Variants in PCNX1 observed in about 807,000 individuals in gnomAD.
PCNX1 encodes the protein pecanex 1, also known as pecanex-like protein 1.
In PCNX1, 78 loss-of-function variants were observed where a neutral mutation model predicts 242.2. The observed-to-expected ratio is 0.32, with a 90% confidence interval of 0.27 to 0.39. PCNX1 has a LOEUF of 0.39. Among genes scored for constraint, PCNX1 ranks in the 10% least tolerant of loss-of-function variants. PCNX1 has a pLI of 1.00. For synonymous variants in PCNX1, 1,024 were observed against 1,032.9 expected, an observed-to-expected ratio of 0.99 and a Z score of 0.17; for missense variants, 2,581 against 2,856.5, an observed-to-expected ratio of 0.90 and a Z score of 2.20.
At chr14:71,003,865 C>T (rs1185544329) in intron 8 of PCNX1, among the ~76,000 whole-genome samples, 1 of 152,210 alleles carries the variant, frequency 6.6e-6, no homozygotes, top group East Asian at 1.9e-4. Flanking sequence ...TTATACCTAC[C>T]TTTTCCTTAT....
chr14:70,912,991 A>G (rs1356869093), intron 1 of PCNX1, among the ~76,000 whole-genome samples: 2 of 152,226 alleles, frequency 1.3e-5, no homozygotes, highest in Non-Finnish European at 2.9e-5. Flanking sequence ...CCTGATAACC[A>G]TAAATAGGTT....
chr14:71,043,740 C>G (rs550880911), intron 19 of PCNX1, among the ~76,000 whole-genome samples: 2 of 152,106 alleles, frequency 1.3e-5, no homozygotes, highest in East Asian at 3.9e-4. Flanking sequence ...TTCCTCATTT[C>G]TTTGTATTAT....
Position 70,978,394 on chromosome 14 carries a change from C to T in PCNX1, c.2057C>T (p.Thr686Ile). Residue 686 changes from threonine (T) to isoleucine (I), a missense_variant, in exon 6 of 36, where the codon ACT becomes ATT. Coordinates refer to ENST00000304743, the MANE Select transcript of PCNX1 (RefSeq NM_014982.3). ...RRTSSTNSAK[T>I]RARVLSLDSG... ...ACTTCTAGCACAAATAGTGCCAAGA[C>T]TCGTGCCCGAGTGTTGAGCCTGGAC... 2 of 1,614,240 alleles carry T rather than the reference C, an allele frequency of 1.2e-6. No homozygotes were observed. Among genetic ancestry groups the T allele is most frequent in the Non-Finnish European group, 1.7e-6 (2 of 1,180,036 alleles).
In PCNX1 at chr14:71,110,763, G is replaced by A. The variant is rs116016; in HGVS notation, c.*828G>A. 0.45 allele frequency: 68,479 copies of A among 152,476 alleles called. 16,467 individuals carry two copies. Among genetic ancestry groups the A allele is most frequent in the Non-Finnish European group, 0.55 (37,048 of 67,950 alleles). 9.4% of individuals were successfully genotyped at this position (152,476 alleles called of 1,614,324 possible). ...TCCCAGAGCCAATAGTCAGCGGATCGGTCTTGTGAACACCACTGCCAGCTC... is the reference window on the plus strand; with the variant it reads ...TCCCAGAGCCAATAGTCAGCGGATCAGTCTTGTGAACACCACTGCCAGCTC... On this transcript the variant is annotated 3_prime_UTR_variant, in exon 36 of 36. Transcript: ENST00000304743.
rs202214990 is a variant in PCNX1, at chr14:71,045,167, G to T, written c.3902G>T (p.Gly1301Val). Residue 1301 changes from glycine to valine, a missense_variant, in exon 20 of 36, where the codon GGC becomes GTC. Gly to Val is a moderately radical substitution (Grantham distance 109). Coordinates refer to ENST00000304743, the MANE Select transcript of PCNX1 (RefSeq NM_014982.3). ...ALKYVLYTLV[G>V]FVGFVTHYVL... ...AAGTATGTGTTGTATACATTGGTTG[G>T]CTTTGTGGGTTTTGTAACCCATTAT... 3.3e-5 allele frequency: 53 copies of T among 1,612,212 alleles called. No homozygotes were observed. In the Middle Eastern group the frequency reaches 4.9e-4, roughly 15 times the overall value.
intron 8 of PCNX1, among the ~76,000 whole-genome samples, chr14:71,008,264 T>C (rs1004343238): frequency 6.6e-6 from 1 of 152,180 alleles, no homozygotes; most frequent in Non-Finnish European, 1.5e-5. Flanking sequence ...TTTTTTCAAG[T>C]ATTTCACTTA....
intron 4 of PCNX1, 124 bp downstream of exon 4, chr14:70,968,367 A>G (rs1034995734): frequency 2.4e-5 from 14 of 583,710 alleles, no homozygotes; most frequent in Non-Finnish European, 3.8e-5. Flanking sequence ...TTTTATAGAT[A>G]AAATTATTTA....
rs1232709207 is a variant in PCNX1, at chr14:70,977,919, A to C, written c.1582A>C (p.Lys528Gln). The change falls in exon 6 of 36, where the codon AAA (lysine) becomes CAA (glutamine). Residue 528 changes from lysine to glutamine, a missense_variant. Around this residue, in one of 9 missense-constraint regions of PCNX1, gnomAD observed 1,204 missense variants for 1,216.7 expected, o/e 0.99. Transcript: ENST00000304743. ...SDKSAVSVDS[K>Q]VRKDVGGKQK... is the part of the protein sequence containing the mutation. ...TAAGTCAGCTGTTTCTGTGGATTCC[A>C]AAGTGCGTAAAGATGTTGGTGGAAA... is the stretch of plus-strand genomic sequence containing the variant. The C allele has an allele frequency of 3.1e-6, 5 of 1,614,072 alleles. No individual in the cohort carries two copies. Among genetic ancestry groups the C allele is most frequent in the Admixed American group, 1.7e-5 (1 of 60,000 alleles).
chr14:70,957,810 ATG>A (rs1306403904), intron 2 of PCNX1, among the ~76,000 whole-genome samples: 1 of 150,034 alleles, frequency 6.7e-6, no homozygotes, highest in Non-Finnish European at 1.5e-5. Flanking sequence ...GTGTATGTAT[ATG>A]TGTGTGTGTA....
Position 71,089,245 on chromosome 14 carries a change from G to C in PCNX1, c.5492G>C (p.Arg1831Pro). 1.2e-6 allele frequency: 2 copies of C among 1,610,680 alleles called. No homozygotes were observed. The highest frequency in any genetic ancestry group is 1.7e-6 in the Non-Finnish European group (2 of 1,177,164). ...GLHALFKGDFRISSIRDEWIF... is the reference protein window; with the variant it reads ...GLHALFKGDFPISSIRDEWIF... The stretch of plus-strand genomic sequence containing the variant: ...CATGCCCTATTTAAAGGAGATTTCC[G>C]TATTTCTTCAATTCGAGATGAATGG... The change falls in exon 30 of 36, where the codon CGT (arginine) becomes CCT (proline). Residue 1831 changes from arginine to proline, a missense_variant. By Grantham distance (103) the Arg-to-Pro change is moderately radical. Transcript: ENST00000304743.
rs74060525 is a variant in PCNX1 at position 71,000,340 on chromosome 14, A to G, written c.2629+4415A>G. Among the ~76,000 whole-genome samples, 1,333 of 152,238 alleles carry G rather than the reference A, an allele frequency of 8.8e-3. 27 individuals are homozygous for G. Among genetic ancestry groups the G allele is most frequent in the African/African-American group, 0.03 (1,258 of 41,540 alleles). ...TAAGTCATCTACAATCTCATCACTA[A>G]GAGATATCCACTATTAGTATGTTGT... On this transcript the variant is annotated intron_variant, in intron 8 of 35. Transcript: ENST00000304743.
intron 19 of PCNX1, among the ~76,000 whole-genome samples, chr14:71,038,820 C>G (rs1374949711): frequency 6.6e-6 from 1 of 151,346 alleles, no homozygotes; most frequent in African/African-American, 2.4e-5. Flanking sequence ...TTGGAACCAA[C>G]CCAAATGTCC....
In PCNX1 at chr14:71,114,726, G is replaced by C. The variant is rs192890688; in HGVS notation, c.*4791G>C. On this transcript the variant is annotated 3_prime_UTR_variant, in exon 36 of 36. Transcript: ENST00000304743. ...TCTGTACCTGACAATTTATGATTCA[G>C]TGGAGCCAAGCTAGAAGGAACAAAG... is the stretch of plus-strand genomic sequence containing the variant. 1.3e-5 allele frequency: 2 copies of C among 152,432 alleles called. No individual in the cohort carries two copies. Among genetic ancestry groups the C allele is most frequent in the South Asian group, 4.1e-4 (2 of 4,826 alleles). 9.4% of individuals were successfully genotyped at this position (152,432 alleles called of 1,614,324 possible). A position where few individuals can be genotyped will look rare whatever the true frequency, so the allele number is the denominator to read the frequency against.
At chr14:70,954,532 G>A (rs930212333) in intron 2 of PCNX1, among the ~76,000 whole-genome samples, 1 of 152,016 alleles carries the variant, frequency 6.6e-6, no homozygotes, top group Admixed American at 6.5e-5. Context: ...CATTTATTTA[G>A]TCTTTTTAAA....
At chr14:70,936,303 C>T (rs1476764321) in intron 1 of PCNX1, among the ~76,000 whole-genome samples, 2 of 147,832 alleles carry the variant, frequency 1.4e-5, no homozygotes, top group African/African-American at 5.0e-5. Context: ...ACGACAGGCC[C>T]TGGTGTGTGA....
In PCNX1 at chr14:70,909,514, T is replaced by C. The variant is rs538587470; in HGVS notation, c.153+1511T>C. 2.2e-4 allele frequency among the ~76,000 whole-genome samples: 34 copies of C among 152,346 alleles called. No individual in the cohort carries two copies. The East Asian group carries it at 6.6e-3, about 29-fold the overall frequency. On this transcript the variant is annotated intron_variant, in intron 1 of 35. Transcript: ENST00000304743. ...AAATTTTCAAAGCAAATTTCTTCTA[T>C]GTCCAGAAGAATTGTAGATTTAAAA...
Position 71,033,948 on chromosome 14 carries a change from A to G in PCNX1, c.3686A>G (p.Lys1229Arg). ...PSVLFSLVQSKIFPKTEEKNP... is the reference protein window; with the variant it reads ...PSVLFSLVQSRIFPKTEEKNP... ...ACATAAAGCTCTTTAGTGCAATCCA[A>G]GATTTTTCCAAAAACGGAAGAGAAA... Residue 1229 changes from lysine to arginine, a missense_variant, in exon 18 of 36, where the codon AAG (lysine) becomes AGG (arginine). By Grantham distance (26) the Lys-to-Arg change is conservative (BLOSUM62 2). This residue lies in a region of PCNX1 where 432 missense variants were observed against 443.1 expected (regional missense o/e 0.97). Coordinates refer to ENST00000304743, the MANE Select transcript of PCNX1 (RefSeq NM_014982.3). 6 of 1,600,374 alleles carry G rather than the reference A, an allele frequency of 3.7e-6. No homozygotes were observed. Among genetic ancestry groups the G allele is most frequent in the Non-Finnish European group, 5.1e-6 (6 of 1,170,596 alleles).
At chr14:71,009,150 C>G (rs1217095334) in intron 8 of PCNX1, among the ~76,000 whole-genome samples, 1 of 152,186 alleles carries the variant, frequency 6.6e-6, no homozygotes, top group Non-Finnish European at 1.5e-5. Flanking sequence ...CTAGCTCTTT[C>G]CATTCACTGA....
chr14:71,018,704 C>T (rs12892737), intron 11 of PCNX1, among the ~76,000 whole-genome samples: 10,633 of 151,896 alleles, frequency 0.07, 487 homozygotes, highest in East Asian at 0.27. Flanking sequence ...TATTTTGCAA[C>T]AAATAGAATA....
Sources: allele counts gnomAD v4.1 joint callset (sites outside exome capture counted in the v4.1 genomes callset), GRCh38; gene constraint gnomAD v4.1.1; regional missense constraint gnomAD v4.1.1; transcripts MANE v1.5; gene names NCBI Gene and HGNC (gene_info 2026-07-23, HGNC 2026-07-21).